The following PCNT variants were observed in gnomAD, a reference collection of about 807,000 sequenced individuals.
PCNT encodes the protein pericentrin, also known as kendrin.
Under a neutral mutation model 380.4 loss-of-function variants are expected in PCNT, and 319 were observed. The observed-to-expected ratio is 0.84, with a 90% CI of 0.77 to 0.92. The LOEUF is 0.92. Ranked by LOEUF, PCNT falls within the 40% of genes least tolerant of loss-of-function variation. The pLI, the probability that PCNT is intolerant of heterozygous loss-of-function variation, is 0.00. For synonymous variants in PCNT, 1,845 were observed against 1,735.2 expected (o/e 1.06, Z -1.57); for missense variants, 4,400 against 4,255.3 (o/e 1.03, Z -0.95).
At chr21:46,443,229 G>GT (rs1055714591) in intron 44 of PCNT, 1 of 162,658 alleles carries the variant, frequency 6.1e-6, no homozygotes, top group Admixed American at 5.9e-5. Context: ...TTGTTTTGTT[G>GT]TTTTTTAAGA....
intron 15 of PCNT, among the ~76,000 whole-genome samples, chr21:46,375,758 G>T (rs796687755): frequency 5.9e-5 from 9 of 152,348 alleles, no homozygotes; most frequent in African/African-American, 1.9e-4. Flanking sequence ...CCTGCCCGAC[G>T]TCTCCTGGGG....
Position 46,389,560 on chromosome 21 carries a change from T to C in PCNT, c.3840+129T>C, listed in dbSNP as rs76268945. ...TTTCTCCCCAAGGAGGAGGCTTTTC[T>C]GAACCAGATCTTTGAGGAAGTGGGC... is the stretch of plus-strand genomic sequence containing the variant. On this transcript the variant is annotated intron_variant, in intron 19 of 46. Coordinates refer to ENST00000359568, the MANE Select transcript of PCNT (RefSeq NM_006031.6). 8.8e-4 allele frequency: 607 copies of C among 688,998 alleles called. 2 individuals carry two copies. In the African/African-American group the frequency reaches 9.5e-3, roughly 11 times the overall value. 42.7% of individuals were successfully genotyped at this position (688,998 alleles called of 1,614,324 possible).
chr21:46,329,864 G>C (rs1013136507), intron 2 of PCNT, among the ~76,000 whole-genome samples: 2 of 152,186 alleles, frequency 1.3e-5, no homozygotes, highest in Non-Finnish European at 1.5e-5. Flanking sequence ...ATGTGCTCCT[G>C]CAGCCAGGAT....
At chr21:46,333,659 G>T (rs1357237905) in intron 2 of PCNT, among the ~76,000 whole-genome samples, 6 of 151,928 alleles carry the variant, frequency 3.9e-5, no homozygotes, top group Non-Finnish European at 7.4e-5. Context: ...CCAGCACTTG[G>T]GGAGGCCGAG....
At chr21:46,414,090 C>T (rs1006436407) in intron 29 of PCNT, among the ~76,000 whole-genome samples, 1 of 151,760 alleles carries the variant, frequency 6.6e-6, no homozygotes, top group Admixed American at 6.6e-5. Flanking sequence ...CTCCCGAGTT[C>T]AAGTGATTCT....
chr21:46,346,306 C>G, intron 4 of PCNT, 98 bp downstream of exon 4: 1 of 663,450 alleles, frequency 1.5e-6, no homozygotes, highest in South Asian at 1.4e-5. Flanking sequence ...GCGCTGCCAT[C>G]TCCTTTCTCT....
chr21:46,436,090 C>T lies in PCNT; in HGVS notation c.8938C>T (p.Gln2980Ter), dbSNP rs758451096. The change falls in exon 39 of 47, where the codon CAG becomes TAG. Residue 2980 changes from glutamine (Q) to a stop codon, truncating the protein, a stop_gained. Transcript: ENST00000359568. LOFTEE classifies it high-confidence loss of function. ...GCAGCGAGAGCTGGAGGCGATGAGG[C>T]AGCGGCTGCTCTCTGCCGCCCGGCT... The part of the protein sequence containing the change: ...EQQRELEAMR[Q>*]RLLSAARLLT... 2 of 1,612,188 alleles carry T rather than the reference C, an allele frequency of 1.2e-6. No individual in the cohort carries two copies. Among genetic ancestry groups the T allele is most frequent in the South Asian group, 2.2e-5 (2 of 91,082 alleles).
At chr21:46,328,828 C>T (rs2083470347) in intron 2 of PCNT, among the ~76,000 whole-genome samples, 1 of 151,580 alleles carries the variant, frequency 6.6e-6, no homozygotes, top group African/African-American at 2.4e-5. Flanking sequence ...GGCTGGAGTG[C>T]AGCGGCACGC....
Position 46,385,683 on chromosome 21 carries a change from C to T in PCNT, c.3313-149C>T, listed in dbSNP as rs190159172. The T allele has an allele frequency of 2.1e-3, 1,747 of 850,810 alleles. 6 individuals carry two copies. The highest frequency in any genetic ancestry group is 2.7e-3 in the Non-Finnish European group (1,374 of 499,770). 52.7% of individuals were successfully genotyped at this position (850,810 alleles called of 1,614,324 possible). A position where few individuals can be genotyped will look rare whatever the true frequency, so the allele number is the denominator to read the frequency against. ...AGGCGTTGTGAGTCGAGGAACGTGC[C>T]GAAGTGCCTGCTCCTTTTGCCCCAT... On this transcript the variant is annotated intron_variant, in intron 16 of 46. Transcript: ENST00000359568.
intron 30 of PCNT, 92 bp from the exon 31 acceptor site, chr21:46,418,112 A>G (rs981450664): frequency 1.3e-6 from 1 of 765,708 alleles, no homozygotes; most frequent in African/African-American, 1.8e-5. Flanking sequence ...GTGGGAAGAT[A>G]AATTCAGGCC....
intron 21 of PCNT, among the ~76,000 whole-genome samples, chr21:46,392,744 G>T (rs764635162): frequency 4.6e-5 from 7 of 152,300 alleles, no homozygotes; most frequent in African/African-American, 1.4e-4. Flanking sequence ...TTTAAACTCT[G>T]CCTATGACTG....
At chr21:46,363,459 A>C in intron 13 of PCNT, 21 bp from the exon 14 acceptor site, 1 of 1,591,012 alleles carries the variant, frequency 6.3e-7, no homozygotes, top group East Asian at 2.2e-5. Flanking sequence ...TTCCTCCTAA[A>C]TGAAATTATG....
chr21:46,413,086 G>C lies in PCNT; in HGVS notation c.6150+94G>C, dbSNP rs113205962. ...AGCGGGGAAGGCACGAGGCCCACCCGGGAGAGGCTGGACACGCGGCAGCAA... is the reference window on the plus strand; with the variant it reads ...AGCGGGGAAGGCACGAGGCCCACCCCGGAGAGGCTGGACACGCGGCAGCAA... On this transcript the variant is annotated intron_variant, in intron 29 of 46. Transcript: ENST00000359568. The C allele has an allele frequency of 0.026, 13,742 of 525,968 alleles. 246 individuals carry two copies. Among genetic ancestry groups the C allele is most frequent in the Middle Eastern group, 0.033 (77 of 2,362 alleles). 32.6% of individuals were successfully genotyped at this position (525,968 alleles called of 1,614,324 possible). A position where few individuals can be genotyped will look rare whatever the true frequency, so the allele number is the denominator to read the frequency against.
At chr21:46,344,363 C>T (rs952527915) in intron 3 of PCNT, among the ~76,000 whole-genome samples, 1 of 152,142 alleles carries the variant, frequency 6.6e-6, no homozygotes, top group African/African-American at 2.4e-5. Flanking sequence ...TGTGAACCAC[C>T]GCGCCCGGCC....
Position 46,355,502 on chromosome 21 carries a change from G to A in PCNT, c.1812G>A (p.Gln604=), listed in dbSNP as rs1478685024. 1 of 1,614,094 alleles carries A rather than the reference G, an allele frequency of 6.2e-7. No homozygotes were observed. The highest frequency in any genetic ancestry group is 1.7e-5 in the Admixed American group (1 of 60,038). The change falls in exon 12 of 47, where the codon CAG becomes CAA. Residue 604 remains glutamine, a synonymous_variant. Coordinates refer to ENST00000359568, the MANE Select transcript of PCNT (RefSeq NM_006031.6). ...AGTTAGAAGAAAGCCACAGGCACCA[G>A]CTGGAAGCGCTGGAGTCTCCCCTCT... ...QAELEESHRH[Q]LEALESPLCI... is the part of the protein sequence containing the mutation.
intron 21 of PCNT, among the ~76,000 whole-genome samples, chr21:46,392,281 G>A (rs1429580076): frequency 6.6e-6 from 1 of 151,940 alleles, no homozygotes; most frequent in Non-Finnish European, 1.5e-5. Flanking sequence ...GTGTAGTGGC[G>A]TGATCTCAGT....
chr21:46,342,932 G>A (rs1008161281), intron 3 of PCNT, among the ~76,000 whole-genome samples: 5 of 152,126 alleles, frequency 3.3e-5, no homozygotes, highest in African/African-American at 7.2e-5. Flanking sequence ...TGCAGCCATC[G>A]TAAAAGGTGT....
chr21:46,336,811 A>C (rs1267098630), intron 3 of PCNT, among the ~76,000 whole-genome samples: 1 of 151,918 alleles, frequency 6.6e-6, no homozygotes, highest in African/African-American at 2.4e-5. Flanking sequence ...GTATTTATAG[A>C]CATATATGTT....
rs58502414 is a variant in PCNT at position 46,422,422 on chromosome 21, C to CGCCTGTGCCTCCCTCCT, written c.7179+308_7179+324dup. On this transcript the variant is annotated intron_variant, in intron 32 of 46. Coordinates refer to ENST00000359568, the MANE Select transcript of PCNT (RefSeq NM_006031.6). ...GCAGAGCCGGCCTGTGCCTCTCTCC[C>CGCCTGTGCCTCCCTCCT]GCCTGTGCCTCCCTCCTGCCTGTGC... 0.07 allele frequency among the ~76,000 whole-genome samples: 10,673 copies of CGCCTGTGCCTCCCTCCT among 151,720 alleles called. 921 individuals carry two copies. The highest frequency in any genetic ancestry group is 0.21 in the African/African-American group (8,548 of 41,158).
Sources: gnomAD v4.1 joint callset for allele counts (sites outside exome capture counted in the v4.1 genomes callset) on GRCh38, gnomAD v4.1.1 for gene constraint, MANE v1.5 for transcripts, NCBI Gene and HGNC (gene_info 2026-07-23, HGNC 2026-07-21) for gene names.